Variants in YAE1 observed in about 807,000 individuals in gnomAD.
YAE1 encodes protein YAE1 homolog.
YAE1 carries 22 observed loss-of-function variants against 23.0 expected under a neutral mutation model. The ratio of observed to expected loss-of-function variants is 0.96; its 90% CI spans 0.68 to 1.37. The LOEUF is 1.37. Ranked by LOEUF, YAE1 falls within the 40% of genes most tolerant of loss-of-function variation. The pLI is 0.00. For synonymous variants in YAE1, 101 were observed against 97.0 expected, an observed-to-expected ratio of 1.04 and a Z score of -0.24; for missense variants, 260 against 262.1, an observed-to-expected ratio of 0.99 and a Z score of 0.06.
At chr7:39,593,577 C>T (rs1335710216) in intron 2 of YAE1, among the ~76,000 whole-genome samples, 1 of 152,070 alleles carries the variant, frequency 6.6e-6, no homozygotes, top group Admixed American at 6.6e-5. Context: ...CCTCCTGCCT[C>T]AGCCCCCAAG....
downstream of YAE1, among the ~76,000 whole-genome samples, chr7:39,577,543 G>A (rs779043040): frequency 1.4e-4 from 21 of 152,194 alleles, no homozygotes; most frequent in Non-Finnish European, 2.4e-4. Context: ...TTTAGCACCC[G>A]GGCCAGCAGC....
At chr7:39,590,101 A>G (rs1790879883) in intron 2 of YAE1, among the ~76,000 whole-genome samples, 1 of 152,216 alleles carries the variant, frequency 6.6e-6, no homozygotes, top group Non-Finnish European at 1.5e-5. Context: ...TCAATAGGAA[A>G]ATCATAAGAG....
At chr7:39,595,381 G>A (rs1790960299) in intron 2 of YAE1, among the ~76,000 whole-genome samples, 1 of 152,004 alleles carries the variant, frequency 6.6e-6, no homozygotes, top group Non-Finnish European at 1.5e-5. Context: ...CACATCCAGT[G>A]TCATAATCTG....
chr7:39,574,786 T>C (rs1428063423), downstream of YAE1, among the ~76,000 whole-genome samples: 5 of 150,484 alleles, frequency 3.3e-5, no homozygotes, highest in African/African-American at 1.2e-4. Flanking sequence ...GTCCCTGTAG[T>C]CTTCGCTACT....
chr7:39,593,581 C>T (rs544213931), intron 2 of YAE1, among the ~76,000 whole-genome samples: 158 of 152,070 alleles, frequency 1.0e-3, no homozygotes, highest in African/African-American at 3.6e-3. Flanking sequence ...CTGCCTCAGC[C>T]CCCAAGTAGC....
intron 2 of YAE1, among the ~76,000 whole-genome samples, chr7:39,596,491 C>G (rs775930525): frequency 4.6e-5 from 7 of 152,170 alleles, no homozygotes; most frequent in Admixed American, 1.3e-4. Context: ...CTCGCCTCAG[C>G]CTCCCAAAGT....
In YAE1 at chr7:39,572,478, G is replaced by A; in HGVS notation, c.453G>A (p.Lys151=). ...GTCATGTAGTTCCAGCTGAGAAAAA[G>A]ATTGATGAAGCTAAAGATGAAAGAC... ...DLCHVVPAEK[K]IDEAKDERLC... Residue 151 remains lysine (K), a synonymous_variant, in exon 3 of 3, where the codon AAG becomes AAA. Coordinates refer to ENST00000223273, the MANE Select transcript of YAE1 (RefSeq NM_020192.5). 1.2e-6 allele frequency: 2 copies of A among 1,614,152 alleles called. No individual in the cohort carries two copies. The highest frequency in any genetic ancestry group is 1.7e-6 in the Non-Finnish European group (2 of 1,179,988).
At chr7:39,567,312 G>A (rs1267915256) in intron 1 of YAE1, among the ~76,000 whole-genome samples, 1 of 152,208 alleles carries the variant, frequency 6.6e-6, no homozygotes, top group Non-Finnish European at 1.5e-5. Context: ...AATGCTTTAT[G>A]TGAGACTGGG....
At chr7:39,594,622 GAC>G (rs1790950349) in intron 2 of YAE1, among the ~76,000 whole-genome samples, 1 of 148,202 alleles carries the variant, frequency 6.7e-6, no homozygotes, top group East Asian at 2.0e-4. Flanking sequence ...TTTTTTTTGA[GAC>G]AGTCTCACTC....
chr7:39,583,269 T>C (rs1790772263), intron 2 of YAE1, among the ~76,000 whole-genome samples: 1 of 152,250 alleles, frequency 6.6e-6, no homozygotes, highest in Non-Finnish European at 1.5e-5. Context: ...AATGTATATT[T>C]TGCAGATAAA....
chr7:39,610,503 C>T (rs1791196414), downstream of YAE1, among the ~76,000 whole-genome samples: 1 of 152,192 alleles, frequency 6.6e-6, no homozygotes, highest in South Asian at 2.1e-4. Flanking sequence ...TCATACCCTA[C>T]TGTGACAGAT....
downstream of YAE1, among the ~76,000 whole-genome samples, chr7:39,577,869 A>C (rs1269912314): frequency 6.6e-6 from 1 of 152,244 alleles, no homozygotes; most frequent in Non-Finnish European, 1.5e-5. Flanking sequence ...TCGTGAGTCT[A>C]GTTGGGACTT....
downstream of YAE1, among the ~76,000 whole-genome samples, chr7:39,575,575 A>AGAGTGAGT (rs755381884): frequency 2.9e-4 from 24 of 81,712 alleles, no homozygotes; most frequent in African/African-American, 1.5e-3. Context: ...AGAGAGAGAG[A>AGAGTGAGT]GAGTGAGTGT....
chr7:39,586,583 C>CAG (rs1399551219), intron 2 of YAE1, among the ~76,000 whole-genome samples: 1 of 151,272 alleles, frequency 6.6e-6, no homozygotes, highest in Non-Finnish European at 1.5e-5. Flanking sequence ...CTGCAAGCTC[C>CAG]GCCTCCCAGG....
chr7:39,607,457 A>C (rs1226614090), intron 2 of YAE1, among the ~76,000 whole-genome samples: 1 of 148,058 alleles, frequency 6.8e-6, no homozygotes, highest in Non-Finnish European at 1.5e-5. Context: ...CTGGATTTGA[A>C]AGTGAAGGAA....
At chr7:39,602,613 T>C (rs937696527) in intron 2 of YAE1, among the ~76,000 whole-genome samples, 4 of 152,262 alleles carry the variant, frequency 2.6e-5, no homozygotes, top group Non-Finnish European at 5.9e-5. Flanking sequence ...TTCATTCTTC[T>C]AAGGTGGAGT....
At chr7:39,604,893 A>G (rs903058625) in intron 2 of YAE1, among the ~76,000 whole-genome samples, 3 of 152,206 alleles carry the variant, frequency 2.0e-5, no homozygotes, top group African/African-American at 7.2e-5. Context: ...ACTTGGGAAA[A>G]AAGTGTTTGA....
exon 3 of YAE1, chr7:39,609,831 G>C (rs1583688655): frequency 9.8e-6 from 15 of 1,532,780 alleles, no homozygotes; most frequent in Non-Finnish European, 1.2e-5. Context: ...CCGGGCCCCA[G>C]GCCCTGGGAC....
At chr7:39,568,186 T>G (rs1245942791) in intron 1 of YAE1, among the ~76,000 whole-genome samples, 2 of 151,982 alleles carry the variant, frequency 1.3e-5, no homozygotes, top group East Asian at 3.9e-4. Context: ...TGCAGTGAGC[T>G]GAGGTCATGC....
Sources: allele counts gnomAD v4.1 joint callset (sites outside exome capture counted in the v4.1 genomes callset), GRCh38; gene constraint gnomAD v4.1.1; transcripts MANE v1.5; gene names NCBI Gene and HGNC (gene_info 2026-07-23, HGNC 2026-07-21).